POLR1B: variants seen among roughly 807,000 people sequenced by gnomAD.
The protein encoded by POLR1B is DNA-directed RNA polymerase I subunit RPA2.
In POLR1B, 30 loss-of-function variants were observed where a neutral mutation model predicts 105.8. The ratio of observed to expected loss-of-function variants is 0.28; its 90% CI spans 0.21 to 0.38. The LOEUF is 0.38. POLR1B is among the 10% of genes least tolerant of loss of function. The pLI, the probability that POLR1B is intolerant of heterozygous loss-of-function variation, is 1.00. For synonymous variants in POLR1B, 485 were observed against 505.1 expected, an observed-to-expected ratio of 0.96 and a Z score of 0.53; for missense variants, 976 against 1,435.8, an observed-to-expected ratio of 0.68 and a Z score of 5.17.
In POLR1B at chr2:112,542,642, G is replaced by A. The variant is rs1682817325; in HGVS notation, c.148G>A (p.Val50Met). ...RAHVESFNYAVHEGLGLAVQA... is the reference protein window; with the variant it reads ...RAHVESFNYAMHEGLGLAVQA... ...GCACGTGGAGTCCTTCAACTACGCT[G>A]TGCACGAGGGTCTCGGCCTCGCGGT... The change falls in exon 1 of 15, where the codon GTG becomes ATG. Residue 50 changes from valine (V) to methionine (M), a missense_variant. By Grantham distance (21) the Val-to-Met change is conservative. Around this residue, in one of 12 missense-constraint regions of POLR1B, gnomAD observed 452 missense variants for 616.5 expected, o/e 0.73. Coordinates refer to ENST00000263331, the MANE Select transcript of POLR1B (RefSeq NM_019014.6). 3 of 1,613,788 alleles carry A rather than the reference G, an allele frequency of 1.9e-6. No individual in the cohort carries two copies. The highest frequency in any genetic ancestry group is 1.3e-5 in the African/African-American group (1 of 74,950).
intron 7 of POLR1B, 71 bp from the exon 8 acceptor site, chr2:112,557,839 G>A (rs1017207728): frequency 2.2e-6 from 2 of 893,370 alleles, no homozygotes; most frequent in African/African-American, 3.5e-5. Flanking sequence ...ACCCAATCCT[G>A]GGATTATAGA....
chr2:112,558,760 A>G (rs1273404647), intron 8 of POLR1B, among the ~76,000 whole-genome samples: 1 of 152,018 alleles, frequency 6.6e-6, no homozygotes, highest in African/African-American at 2.4e-5. Context: ...CTGTGACTAC[A>G]GGCATAAGCC....
At chr2:112,563,282 C>T (rs906738894) in intron 9 of POLR1B, among the ~76,000 whole-genome samples, 2 of 151,946 alleles carry the variant, frequency 1.3e-5, no homozygotes, top group Non-Finnish European at 1.5e-5. Context: ...GTCTCGATCT[C>T]CTGACCTCGT....
rs1684816456 is a variant in POLR1B, at chr2:112,575,411, T to C, written c.3090T>C (p.Asn1030=). The stretch of plus-strand genomic sequence containing the variant: ...CCAACCAGCCTATTGGGGGAAGAAA[T>C]GTCCAGGGTGGAATCCGTTTTGGGG... ...RVTNQPIGGR[N]VQGGIRFGEM... Residue 1030 remains asparagine (N), a synonymous_variant, in exon 15 of 15, where the codon AAT becomes AAC. Transcript: ENST00000263331. This position sits in a 1 kb window ranked among gnomAD's most constrained non-coding sequence, Gnocchi z 5.3. 1.2e-6 allele frequency: 2 copies of C among 1,614,084 alleles called. No homozygotes were observed. The highest frequency in any genetic ancestry group is 1.7e-6 in the Non-Finnish European group (2 of 1,180,030).
intron 1 of POLR1B, among the ~76,000 whole-genome samples, chr2:112,543,960 A>G (rs1391532195): frequency 6.6e-6 from 1 of 151,520 alleles, no homozygotes; most frequent in East Asian, 1.9e-4. Flanking sequence ...GTGCGCACCC[A>G]AGTAGCTGGT....
In POLR1B at chr2:112,547,465, T is replaced by A. The variant is rs2104509772; in HGVS notation, c.390T>A (p.Ile130=). The change falls in exon 3 of 15, where the codon ATT becomes ATA. Residue 130 remains isoleucine, a synonymous_variant. Coordinates refer to ENST00000263331, the MANE Select transcript of POLR1B (RefSeq NM_019014.6). ...TGAATGGAATCTCAAAAGGAATCAT[T>A]AAGCAGTTTCTTGGCTATGTTCCCA... is the stretch of plus-strand genomic sequence containing the variant. ...WAVNGISKGI[I]KQFLGYVPIM... is the part of the protein sequence containing the mutation. 3 of 1,614,176 alleles carry A rather than the reference T, an allele frequency of 1.9e-6. No homozygotes were observed. The African/African-American group carries it at 4.0e-5, about 22-fold the overall frequency.
intron 13 of POLR1B, among the ~76,000 whole-genome samples, chr2:112,573,171 T>A (rs971026052): frequency 2.0e-5 from 3 of 152,172 alleles, no homozygotes; most frequent in Non-Finnish European, 4.4e-5. Context: ...GGCACGATCT[T>A]GGCTCACTGC....
chr2:112,571,232 G>A (rs1184484980), intron 12 of POLR1B, among the ~76,000 whole-genome samples: 2 of 152,092 alleles, frequency 1.3e-5, no homozygotes, highest in African/African-American at 4.8e-5. Context: ...GGTCATCTTA[G>A]TATCAGTCTC....
chr2:112,547,321 T>C, intron 2 of POLR1B, 100 bp from the exon 3 acceptor site: 2 of 1,491,982 alleles, frequency 1.3e-6, no homozygotes. Context: ...AGGCATAAAA[T>C]AATTTAATTG....
At chr2:112,549,979 A>T (rs1482500719) in intron 4 of POLR1B, among the ~76,000 whole-genome samples, 1 of 152,226 alleles carries the variant, frequency 6.6e-6, no homozygotes, top group Admixed American at 6.5e-5. Flanking sequence ...TATGATTTTT[A>T]TCAATCATAA....
rs747625945 is a variant in POLR1B, at chr2:112,573,717, C to G, written c.2427C>G (p.Asp809Glu). Residue 809 changes from aspartate (D) to glutamate (E), a missense_variant, in exon 14 of 15, where the codon GAC becomes GAG. Coordinates refer to ENST00000263331, the MANE Select transcript of POLR1B (RefSeq NM_019014.6). ...CACGCGTTCTGCAGAAGTTAGATGACGATGGATTGCCGTTTATAGGAGCAA... is the reference window on the plus strand; with the variant it reads ...CACGCGTTCTGCAGAAGTTAGATGAGGATGGATTGCCGTTTATAGGAGCAA... ...GDPRVLQKLDDDGLPFIGAKL... is the reference protein window; with the variant it reads ...GDPRVLQKLDEDGLPFIGAKL... 1 of 1,614,212 alleles carries G rather than the reference C, an allele frequency of 6.2e-7. No individual in the cohort carries two copies.
chr2:112,568,655 T>G, intron 11 of POLR1B, 91 bp from the exon 12 acceptor site: 9 of 1,430,980 alleles, frequency 6.3e-6, no homozygotes, highest in African/African-American at 1.4e-5. Flanking sequence ...GGTTTTCTCT[T>G]GAGTCTTTGA....
chr2:112,566,213 T>C (rs992677163), intron 10 of POLR1B, among the ~76,000 whole-genome samples: 1 of 152,256 alleles, frequency 6.6e-6, no homozygotes, highest in African/African-American at 2.4e-5. Flanking sequence ...CGTTGGTTTG[T>C]CCTGTTACGA....
chr2:112,566,044 G>T (rs1334892147), intron 10 of POLR1B, among the ~76,000 whole-genome samples: 1 of 152,024 alleles, frequency 6.6e-6, no homozygotes, highest in Non-Finnish European at 1.5e-5. Flanking sequence ...ATTTTTAGTA[G>T]AGGTGGGGTT....
intron 8 of POLR1B, among the ~76,000 whole-genome samples, chr2:112,558,884 G>A (rs1352452451): frequency 6.7e-6 from 1 of 149,884 alleles, no homozygotes; most frequent in Non-Finnish European, 1.5e-5. Flanking sequence ...CTCCCAAAGT[G>A]CTGGGATTAT....
intron 14 of POLR1B, 81 bp downstream of exon 14, chr2:112,573,896 G>A: frequency 6.7e-7 from 1 of 1,481,918 alleles, no homozygotes; most frequent in East Asian, 2.3e-5. Flanking sequence ...AGCCGGGCTG[G>A]AGTGCAGTGG....
intron 9 of POLR1B, among the ~76,000 whole-genome samples, chr2:112,562,886 C>T (rs910757813): frequency 1.3e-4 from 20 of 151,076 alleles, no homozygotes; most frequent in African/African-American, 3.2e-4. Context: ...CCATCATGCC[C>T]GGATAATTTT....
At chr2:112,546,850 A>C in intron 1 of POLR1B, 162 bp from the exon 2 acceptor site, 1 of 665,426 alleles carries the variant, frequency 1.5e-6, no homozygotes, top group Non-Finnish European at 2.5e-6. Flanking sequence ...GGCGTGAACC[A>C]CTGCGCCCGG....
Position 112,573,774 on chromosome 2 carries a change from C to G in POLR1B, c.2484C>G (p.Tyr828Ter). 1 of 1,614,174 alleles carries G rather than the reference C, an allele frequency of 6.2e-7. No individual in the cohort carries two copies. The highest frequency in any genetic ancestry group is 8.5e-7 in the Non-Finnish European group (1 of 1,180,010). The change falls in exon 14 of 15, where the codon TAC (tyrosine) becomes TAG (stop). Residue 828 changes from tyrosine (Y) to a stop codon, truncating the protein, a stop_gained. Coordinates refer to ENST00000263331, the MANE Select transcript of POLR1B (RefSeq NM_019014.6). LOFTEE classifies it high-confidence loss of function. ...KLQYGDPYYSYLNLNTGESFV... is the reference protein window; with the variant it reads ...KLQYGDPYYS ...AGTACGGAGATCCGTATTACAGCTA[C>G]CTCAACCTCAACACCGGGGAAAGTT... is the stretch of plus-strand genomic sequence containing the variant.
Sources: allele counts gnomAD v4.1 joint callset (sites outside exome capture counted in the v4.1 genomes callset), GRCh38; gene constraint gnomAD v4.1.1; regional missense constraint gnomAD v4.1.1; non-coding constraint Gnocchi (gnomAD v3.1); transcripts MANE v1.5; gene names NCBI Gene and HGNC (gene_info 2026-07-23, HGNC 2026-07-21).